RDH13: variants seen among roughly 807,000 people sequenced by gnomAD.
The protein encoded by RDH13 is retinol dehydrogenase 13 (all-trans and 9-cis).
A neutral mutation model predicts 28.3 loss-of-function variants in RDH13; 35 were observed. That is an observed-to-expected ratio of 1.24 (90% CI 0.95 to 1.64). The LOEUF (loss-of-function observed/expected upper bound fraction) is 1.64. Among genes scored for constraint, RDH13 ranks in the 40% most tolerant of loss-of-function variants. The pLI is 0.00. For missense variants in RDH13, 514 were observed against 446.3 expected (o/e 1.15, Z -1.37); for synonymous variants, 229 against 198.5 (o/e 1.15, Z -1.29).
At chr19:55,040,695 A>G (rs1312421516), downstream of RDH13, 1 of 152,268 alleles carries the variant, frequency 6.6e-6, no homozygotes, top group Non-Finnish European at 1.5e-5. Context: ...TTTAATACAT[A>G]AGCTGGCTTT....
At chr19:55,062,913 G>T in intron 1 of RDH13, 55 bp downstream of exon 1, 1 of 1,364,130 alleles carries the variant, frequency 7.3e-7, no homozygotes, top group Non-Finnish European at 9.6e-7. Flanking sequence ...CGCCTTCCCG[G>T]CCCCTGCGCT....
chr19:55,056,565 A>C (rs2075640279), intron 3 of RDH13, 88 bp downstream of exon 3: 2 of 1,498,316 alleles, frequency 1.3e-6, no homozygotes, highest in South Asian at 2.7e-5. Context: ...CTCTGCTCTA[A>C]AGTTTGCTTG....
At chr19:55,066,943 A>G (rs2075974377), upstream of RDH13, among the ~76,000 whole-genome samples, 1 of 152,134 alleles carries the variant, frequency 6.6e-6, no homozygotes, top group Non-Finnish European at 1.5e-5. Context: ...AGCCATCACC[A>G]AAGGGCACAC....
At chr19:55,063,183 C>G, upstream of RDH13, 1 of 616,570 alleles carries the variant, frequency 1.6e-6, no homozygotes, top group Non-Finnish European at 2.4e-6. Context: ...AACTGGGCTG[C>G]GAGGGGCGGG....
At position 55,044,710 on chromosome 19, in the gene RDH13, C is replaced by T. The variant is rs1398113465; in HGVS notation, c.*364G>A. On this transcript the variant is annotated 3_prime_UTR_variant, in exon 7 of 7. Coordinates refer to ENST00000415061, the MANE Select transcript of RDH13 (RefSeq NM_001145971.2). ...TCCACCAAGTGTCAGACAACTTGCC[C>T]ATGCTCTTCACGGAGCACCTTGGAA... The T allele has an allele frequency of 1.8e-5, 5 of 270,688 alleles. No homozygotes were observed. Among genetic ancestry groups the T allele is most frequent in the Admixed American group, 1.1e-4 (2 of 18,828 alleles). 16.8% of individuals were successfully genotyped at this position (270,688 alleles called of 1,614,324 possible). A position where few individuals can be genotyped will look rare whatever the true frequency, so the allele number is the denominator to read the frequency against.
Position 55,059,524 on chromosome 19 carries a change from C to G in RDH13, c.66-249G>C, listed in dbSNP as rs185551632. 3.6e-5 allele frequency among the ~76,000 whole-genome samples: 5 copies of G among 137,822 alleles called. No individual in the cohort carries two copies. In the South Asian group the frequency reaches 9.6e-4, roughly 27 times the overall value. The allele number at this position is 137,822 out of a possible 152,430, so 90.4% of individuals were successfully genotyped here. A position where few individuals can be genotyped will look rare whatever the true frequency, so the allele number is the denominator to read the frequency against. On this transcript the variant is annotated intron_variant, in intron 1 of 6. Transcript: ENST00000415061. ...ATAAATGCTCACTGCATGAGATTCC[C>G]GGCCAGGTGAGGGGGCTTGCACCTG...
chr19:55,048,156 G>T (rs180689705), intron 5 of RDH13, 173 bp downstream of exon 5: 1 of 1,534,564 alleles, frequency 6.5e-7, no homozygotes, highest in African/African-American at 1.4e-5. Flanking sequence ...AAGAACGATC[G>T]ATTAGTGATG....
chr19:55,057,551 G>A (rs1379243132), intron 2 of RDH13, among the ~76,000 whole-genome samples: 2 of 151,412 alleles, frequency 1.3e-5, no homozygotes, highest in African/African-American at 2.4e-5. Context: ...TCCTGCCTCA[G>A]CCTCCCGAGT....
intron 1 of RDH13, 104 bp downstream of exon 1, chr19:55,062,864 C>A (rs908250138): frequency 9.6e-7 from 1 of 1,044,494 alleles, no homozygotes; most frequent in Non-Finnish European, 1.3e-6. Context: ...TCGGGAGCTA[C>A]GGGGCCTGGA....
intron 1 of RDH13, among the ~76,000 whole-genome samples, 177 bp from the exon 2 acceptor site, chr19:55,059,452 A>C (rs1386331992): frequency 6.6e-6 from 1 of 152,214 alleles, no homozygotes; most frequent in Non-Finnish European, 1.5e-5. Context: ...GGCTCCACCC[A>C]GTGTCTGGCG....
At chr19:55,053,126 G>C (rs1278673816) in intron 3 of RDH13, among the ~76,000 whole-genome samples, 1 of 148,768 alleles carries the variant, frequency 6.7e-6, no homozygotes, top group Non-Finnish European at 1.5e-5. Context: ...CTTTGTCAGA[G>C]TGTCATCTCA....
Position 55,044,851 on chromosome 19 carries a change from CCCCTG to C in RDH13, c.*218_*222del, listed in dbSNP as rs1390226376. 2 of 496,912 alleles carry C rather than the reference CCCCTG, an allele frequency of 4.0e-6. No individual in the cohort carries two copies. The highest frequency in any genetic ancestry group is 7.0e-6 in the Non-Finnish European group (2 of 283,884). The allele number at this position is 496,912 out of a possible 1,614,324, so 30.8% of individuals were successfully genotyped here. Reference sequence around the variant, plus strand: ...AGGGGAAGCATCAGATGGCCCCTCTCCCCTGCTGGCAGCAGAGCAGACGGAACCAG... The same window carrying C: ...AGGGGAAGCATCAGATGGCCCCTCTCCTGGCAGCAGAGCAGACGGAACCAG... On this transcript the variant is annotated 3_prime_UTR_variant, in exon 7 of 7. Transcript: ENST00000415061.
At chr19:55,052,792 G>A (rs975660430) in intron 3 of RDH13, among the ~76,000 whole-genome samples, 1 of 151,802 alleles carries the variant, frequency 6.6e-6, no homozygotes, top group Non-Finnish European at 1.5e-5. Context: ...CTCCCAAGTA[G>A]CTGGGTTACA....
chr19:55,058,448 C>T (rs566648871), intron 2 of RDH13, among the ~76,000 whole-genome samples: 1 of 152,032 alleles, frequency 6.6e-6, no homozygotes, highest in Admixed American at 6.6e-5. Flanking sequence ...AACCATCCAT[C>T]TCTCAAATTG....
chr19:55,044,315 G>A (rs1006053434), downstream of RDH13: 1 of 150,950 alleles, frequency 6.6e-6, no homozygotes, highest in Non-Finnish European at 1.5e-5. Flanking sequence ...TACGACTCGG[G>A]TACATTTTCT....
chr19:55,068,834 A>G (rs1204771237), intron 1 of RDH13: 3 of 136,754 alleles, frequency 2.2e-5, no homozygotes, highest in Non-Finnish European at 4.7e-5. Context: ...AGACTCTGTC[A>G]AGAAAGAAAG....
Position 55,045,019 on chromosome 19 carries a change from G to T in RDH13, c.*55C>A. 1 of 1,337,120 alleles carries T rather than the reference G, an allele frequency of 7.5e-7. No homozygotes were observed. The highest frequency in any genetic ancestry group is 1.0e-6 in the Non-Finnish European group (1 of 965,782). 82.8% of individuals were successfully genotyped at this position (1,337,120 alleles called of 1,614,324 possible). On this transcript the variant is annotated 3_prime_UTR_variant, in exon 7 of 7. Coordinates refer to ENST00000415061, the MANE Select transcript of RDH13 (RefSeq NM_001145971.2). ...GTGCCAGGAAGCTGCGGGCATGGCG[G>T]ACAGCTGTCCTCGGTCTGGAGGCGC...
rs563732907 is a variant in RDH13 at position 55,056,293 on chromosome 19, G to A, written c.340+360C>T. 5.3e-5 allele frequency among the ~76,000 whole-genome samples: 8 copies of A among 152,008 alleles called. No homozygotes were observed. In the South Asian group the frequency reaches 6.2e-4, roughly 12 times the overall value. On this transcript the variant is annotated intron_variant, in intron 3 of 6. Transcript: ENST00000415061. The stretch of plus-strand genomic sequence containing the variant: ...AGCCTGGCCAACGTGGTGAAACCCC[G>A]TCTCTACTAAAAATACAAAAATTAG...
upstream of RDH13, chr19:55,063,295 G>T: frequency 2.6e-6 from 1 of 385,194 alleles, no homozygotes; most frequent in Non-Finnish European, 4.6e-6. Flanking sequence ...CTGTGGGCGT[G>T]GCTAGTCCGG....
Sources: allele counts gnomAD v4.1 joint callset (sites outside exome capture counted in the v4.1 genomes callset), GRCh38; gene constraint gnomAD v4.1.1; transcripts MANE v1.5; gene names NCBI Gene and HGNC (gene_info 2026-07-23, HGNC 2026-07-21).